The following NCAM1 variants were observed in gnomAD, a reference collection of about 807,000 sequenced individuals.
The protein encoded by NCAM1 is antigen recognized by monoclonal antibody 5.1H11.
NCAM1 carries 14 observed loss-of-function variants against 109.8 expected under a neutral mutation model. The observed-to-expected ratio is 0.13, with a 90% CI of 0.08 to 0.20. NCAM1 has a LOEUF of 0.20. NCAM1 is among the 10% of genes least tolerant of loss of function. The pLI is 1.00. For synonymous variants in NCAM1, 418 were observed against 442.9 expected, an observed-to-expected ratio of 0.94 and a Z score of 0.70; for missense variants, 774 against 1,109.9, an observed-to-expected ratio of 0.70 and a Z score of 4.30.
At chr11:112,966,618 C>T (rs1591195492) in intron 1 of NCAM1, among the ~76,000 whole-genome samples, 1 of 152,182 alleles carries the variant, frequency 6.6e-6, no homozygotes, top group African/African-American at 2.4e-5. Context: ...ACCTTAAAAC[C>T]ATTTGCTGAT....
intron 1 of NCAM1, among the ~76,000 whole-genome samples, chr11:113,075,368 T>A (rs1269034183): frequency 6.6e-6 from 1 of 152,130 alleles, no homozygotes; most frequent in Non-Finnish European, 1.5e-5. Context: ...CTGCACCTGG[T>A]CCTGATTATA....
chr11:113,277,962 T>G lies in NCAM1; in HGVS notation c.*2575T>G, dbSNP rs947757175. ...TGTTAAGAGATCAAAGCTTATAATT[T>G]TCTTTTTTAATTTTTGAAGGAGGGA... is the stretch of plus-strand genomic sequence containing the variant. On this transcript the variant is annotated 3_prime_UTR_variant, in exon 20 of 20. Coordinates refer to ENST00000316851, the MANE Select transcript of NCAM1 (RefSeq NM_181351.5). The G allele has an allele frequency of 1.3e-5, 2 of 149,106 alleles. No individual in the cohort carries two copies. The highest frequency in any genetic ancestry group is 6.6e-5 in the Admixed American group (1 of 15,218). 9.2% of individuals were successfully genotyped at this position (149,106 alleles called of 1,614,324 possible).
At chr11:113,022,422 T>G (rs563027395) in intron 1 of NCAM1, among the ~76,000 whole-genome samples, 3 of 152,224 alleles carry the variant, frequency 2.0e-5, no homozygotes, top group Non-Finnish European at 4.4e-5. Flanking sequence ...TCCTAAGATA[T>G]CATCCTAAGA....
At chr11:113,104,210 G>T (rs797038097) in intron 1 of NCAM1, among the ~76,000 whole-genome samples, 2 of 130,764 alleles carry the variant, frequency 1.5e-5, no homozygotes, top group African/African-American at 2.8e-5. Flanking sequence ...GGTGGGGTGG[G>T]GGGGGGGGCG....
intron 15 of NCAM1, among the ~76,000 whole-genome samples, chr11:113,248,965 G>A (rs1166229958): frequency 1.3e-5 from 2 of 152,140 alleles, no homozygotes; most frequent in Non-Finnish European, 2.9e-5. Flanking sequence ...CCACGGAGCC[G>A]TGGCTTTGTC....
chr11:113,199,060 G>C (rs1387457236), intron 1 of NCAM1, among the ~76,000 whole-genome samples: 2 of 152,132 alleles, frequency 1.3e-5, no homozygotes, highest in Non-Finnish European at 2.9e-5. Flanking sequence ...CCTGCCCCTG[G>C]GTCCTGCCCA....
intron 1 of NCAM1, among the ~76,000 whole-genome samples, chr11:112,994,592 G>A (rs1025011303): frequency 5.3e-5 from 8 of 152,154 alleles, no homozygotes; most frequent in African/African-American, 9.7e-5. Flanking sequence ...TGGGACAATG[G>A]GGAAGAGGAG....
intron 1 of NCAM1, among the ~76,000 whole-genome samples, chr11:113,020,330 G>A (rs1404316634): frequency 1.3e-5 from 2 of 152,170 alleles, no homozygotes; most frequent in African/African-American, 4.8e-5. Context: ...GGGTGGAAGA[G>A]GCCCTTGCAT....
At chr11:112,978,009 T>C (rs1263290899) in intron 1 of NCAM1, among the ~76,000 whole-genome samples, 1 of 151,834 alleles carries the variant, frequency 6.6e-6, no homozygotes, top group Admixed American at 6.6e-5. Context: ...AAGAGTCCCT[T>C]TTGGCCACTG....
chr11:112,964,139 T>G (rs1950655573), intron 1 of NCAM1, among the ~76,000 whole-genome samples: 1 of 97,538 alleles, frequency 1.0e-5, no homozygotes, highest in Non-Finnish European at 2.0e-5. Context: ...GTTTTTTTTT[T>G]GTTTTTTTTT....
rs190520303 is a variant in NCAM1, at chr11:113,246,172, T to A, written c.1826-196T>A. On this transcript the variant is annotated intron_variant, in intron 14 of 19. Coordinates refer to ENST00000316851, the MANE Select transcript of NCAM1 (RefSeq NM_181351.5). Reference sequence around the variant, plus strand: ...ATATATGCTGCTAATTTAATTTGATTTCTCCTTTTATTTAGTCTGTGATTT... The same window carrying A: ...ATATATGCTGCTAATTTAATTTGATATCTCCTTTTATTTAGTCTGTGATTT... The A allele has an allele frequency of 2.8e-3, 1,593 of 561,272 alleles. 7 individuals are homozygous for A. Among genetic ancestry groups the A allele is most frequent in the Middle Eastern group, 7.0e-3 (15 of 2,140 alleles). The allele number at this position is 561,272 out of a possible 1,614,324, so 34.8% of individuals were successfully genotyped here. A position where few individuals can be genotyped will look rare whatever the true frequency, so the allele number is the denominator to read the frequency against.
Position 112,961,506 on chromosome 11 carries a change from A to G in NCAM1, c.-107A>G, listed in dbSNP as rs782778169. ...AAAAATAATCATACTCAGCCTGGCA[A>G]TTGTCTGCCCCTAGGTCTGTCGCTC... On this transcript the variant is annotated 5_prime_UTR_variant, in exon 1 of 20. Transcript: ENST00000316851. 4.9e-6 allele frequency: 4 copies of G among 812,962 alleles called. No homozygotes were observed. In the African/African-American group the frequency reaches 5.1e-5, roughly 10 times the overall value. The allele number at this position is 812,962 out of a possible 1,614,324, so 50.4% of individuals were successfully genotyped here. A position where few individuals can be genotyped will look rare whatever the true frequency, so the allele number is the denominator to read the frequency against.
At chr11:113,271,675 C>T (rs183745482) in intron 18 of NCAM1, 85 bp from the exon 19 acceptor site, 52,009 of 1,007,108 alleles carry the variant, frequency 0.052, 2,362 homozygotes, top group Admixed American at 0.21. Flanking sequence ...ACCGTGCCAG[C>T]CTTGGGTTGA....
intron 16 of NCAM1, 143 bp downstream of exon 16, chr11:113,256,144 C>A (rs927297223): frequency 1.2e-5 from 14 of 1,132,768 alleles, no homozygotes; most frequent in Non-Finnish European, 1.6e-5. Context: ...GGGCCCTGGC[C>A]ATGGCTTAAA....
rs547215604 is a variant in NCAM1 at position 113,278,334 on chromosome 11, G to T, written c.*2947G>T. The T allele has an allele frequency of 6.6e-6, 1 of 152,250 alleles. No homozygotes were observed. The highest frequency in any genetic ancestry group is 2.1e-4 in the South Asian group (1 of 4,820). The allele number at this position is 152,250 out of a possible 1,614,324, so 9.4% of individuals were successfully genotyped here. ...CAAGTGAAACATCGATACCACCTTT[G>T]TTTCCATTCTCACTGGTGTAAATAC... On this transcript the variant is annotated 3_prime_UTR_variant, in exon 20 of 20. Coordinates refer to ENST00000316851, the MANE Select transcript of NCAM1 (RefSeq NM_181351.5).
At chr11:113,027,005 C>G (rs1337009713) in intron 1 of NCAM1, among the ~76,000 whole-genome samples, 1 of 152,218 alleles carries the variant, frequency 6.6e-6, no homozygotes, top group African/African-American at 2.4e-5. Flanking sequence ...CTAAGTGCTG[C>G]TAAGCAGGCT....
rs2288157 is a variant in NCAM1 at position 113,236,667 on chromosome 11, C to T, written c.1825+1503C>T. Among the ~76,000 whole-genome samples, 731 of 152,322 alleles carry T rather than the reference C, an allele frequency of 4.8e-3. 12 individuals carry two copies. The highest frequency in any genetic ancestry group is 0.029 in the Admixed American group (445 of 15,298). On this transcript the variant is annotated intron_variant, in intron 14 of 19. Coordinates refer to ENST00000316851, the MANE Select transcript of NCAM1 (RefSeq NM_181351.5). ...GGCCCTGAATAACACGCTATAGCCC[C>T]GCCTCACCTTCAGCCAGGATGCCGG...
chr11:113,134,264 C>T (rs1483704288), intron 1 of NCAM1, among the ~76,000 whole-genome samples: 1 of 152,160 alleles, frequency 6.6e-6, no homozygotes, highest in Non-Finnish European at 1.5e-5. Context: ...CATTATTTTA[C>T]GTAGCATAAT....
In NCAM1 at chr11:112,962,342, C is replaced by G. The variant is rs1555063489; in HGVS notation, c.52+678C>G. ...TAGTTGCAAAGCCTACCCTCGGCCGCGAGCACTGAAGGATGGGAGGGTCGA... is the reference window on the plus strand; with the variant it reads ...TAGTTGCAAAGCCTACCCTCGGCCGGGAGCACTGAAGGATGGGAGGGTCGA... On this transcript the variant is annotated intron_variant, in intron 1 of 19. Coordinates refer to ENST00000316851, the MANE Select transcript of NCAM1 (RefSeq NM_181351.5). The surrounding 1 kb of genome is among the most constrained non-coding windows in gnomAD (Gnocchi z 5.6). 2.0e-5 allele frequency among the ~76,000 whole-genome samples: 3 copies of G among 152,112 alleles called. No homozygotes were observed. Among genetic ancestry groups the G allele is most frequent in the African/African-American group, 7.2e-5 (3 of 41,434 alleles).
Sources: gnomAD v4.1 joint callset for allele counts (sites outside exome capture counted in the v4.1 genomes callset) on GRCh38, gnomAD v4.1.1 for gene constraint, Gnocchi (gnomAD v3.1) non-coding constraint, MANE v1.5 for transcripts, NCBI Gene and HGNC (gene_info 2026-07-23, HGNC 2026-07-21) for gene names.